Variants in VRK2 observed in about 807,000 individuals in gnomAD.
VRK2 encodes VRK serine/threonine kinase 2, also known as serine/threonine-protein kinase VRK2.
VRK2 carries 60 observed loss-of-function variants against 57.6 expected under a neutral mutation model. The ratio of observed to expected loss-of-function variants is 1.04; its 90% CI spans 0.85 to 1.29. VRK2 has a LOEUF of 1.29. VRK2 is among the 50% of genes most tolerant of loss of function. The pLI, the probability that VRK2 is intolerant of heterozygous loss-of-function variation, is 0.00. For synonymous variants in VRK2, 231 were observed against 199.2 expected (o/e 1.16, Z -1.35); for missense variants, 705 against 588.1 (o/e 1.20, Z -2.06).
At chr2:57,999,337 T>C (rs953074607) in intron 1 of VRK2, among the ~76,000 whole-genome samples, 2 of 152,194 alleles carry the variant, frequency 1.3e-5, no homozygotes, top group South Asian at 2.1e-4. Context: ...CTCTAGGCTA[T>C]AAATATAATA....
intron 1 of VRK2, among the ~76,000 whole-genome samples, chr2:57,951,333 T>C (rs1671421743): frequency 6.6e-6 from 1 of 152,180 alleles, no homozygotes; most frequent in South Asian, 2.1e-4. Context: ...CTTGAACAGA[T>C]GAAGAGTTGC....
intron 2 of VRK2, chr2:58,058,561 T>C (rs1676871318): frequency 3.3e-6 from 1 of 305,258 alleles, no homozygotes; most frequent in Non-Finnish European, 6.6e-6. Context: ...GCCATGAACA[T>C]AGAACACAGA....
At chr2:58,116,971 T>A (rs947849221) in intron 7 of VRK2, among the ~76,000 whole-genome samples, 1 of 152,188 alleles carries the variant, frequency 6.6e-6, no homozygotes, top group Non-Finnish European at 1.5e-5. Flanking sequence ...CTGGGGTTTG[T>A]CTCACAGTGG....
intron 2 of VRK2, among the ~76,000 whole-genome samples, chr2:58,064,211 G>A (rs934145568): frequency 2.6e-5 from 4 of 152,138 alleles, no homozygotes; most frequent in African/African-American, 4.8e-5. Flanking sequence ...AGCATGGTTT[G>A]AGAGGATTGT....
At chr2:57,924,114 C>T (rs1034859677) in intron 1 of VRK2, among the ~76,000 whole-genome samples, 13 of 151,928 alleles carry the variant, frequency 8.6e-5, no homozygotes, top group African/African-American at 1.7e-4. Context: ...CATGCCATTT[C>T]GGTTACTACA....
rs540409601 is a variant in VRK2 at position 58,059,778 on chromosome 2, ATAGT to A, written c.136+10814_136+10817del. On this transcript the variant is annotated intron_variant, in intron 2 of 12. Transcript: ENST00000340157. The stretch of plus-strand genomic sequence containing the variant: ...TTTGGGTGTTTATAATAGACAACAG[ATAGT>A]TATTAGCTATTACAATGCAAGATTT... Among the ~76,000 whole-genome samples, 645 of 151,914 alleles carry A rather than the reference ATAGT, an allele frequency of 4.2e-3. 5 individuals are homozygous for A. Among genetic ancestry groups the A allele is most frequent in the African/African-American group, 0.013 (541 of 41,532 alleles).
intron 1 of VRK2, among the ~76,000 whole-genome samples, chr2:58,023,007 T>C (rs1025108826): frequency 1.3e-5 from 2 of 152,224 alleles, no homozygotes; most frequent in Non-Finnish European, 2.9e-5. Flanking sequence ...ATTTTAACCA[T>C]TTCAAAAGAG....
chr2:57,997,492 T>G (rs1373863441), intron 1 of VRK2, among the ~76,000 whole-genome samples: 1 of 152,180 alleles, frequency 6.6e-6, no homozygotes, highest in East Asian at 1.9e-4. Context: ...AAGACATTTT[T>G]TAAATCATGC....
At chr2:58,055,826 A>T (rs540728740) in intron 2 of VRK2, among the ~76,000 whole-genome samples, 9 of 152,322 alleles carry the variant, frequency 5.9e-5, no homozygotes, top group Admixed American at 2.0e-4. Flanking sequence ...AAAGATTTTT[A>T]ACAAACCAAA....
intron 1 of VRK2, among the ~76,000 whole-genome samples, chr2:57,968,193 A>G (rs950355790): frequency 6.6e-6 from 1 of 152,054 alleles, no homozygotes; most frequent in African/African-American, 2.4e-5. Context: ...GAACAAACAT[A>G]AAAAAATTAC....
At chr2:58,141,126 A>G (rs1228692217) in intron 11 of VRK2, among the ~76,000 whole-genome samples, 1 of 152,048 alleles carries the variant, frequency 6.6e-6, no homozygotes, top group Non-Finnish European at 1.5e-5. Flanking sequence ...TTGTTTTAAC[A>G]GTTTTATTGA....
At chr2:58,088,308 G>A (rs778322123) in intron 5 of VRK2, 33 bp from the exon 6 acceptor site, 13 of 1,454,574 alleles carry the variant, frequency 8.9e-6, no homozygotes, top group Admixed American at 1.9e-5. Flanking sequence ...TACTTTCTCA[G>A]GATGATCTCT....
At chr2:58,099,131 G>A (rs1045041338) in intron 7 of VRK2, among the ~76,000 whole-genome samples, 1 of 151,880 alleles carries the variant, frequency 6.6e-6, no homozygotes, top group African/African-American at 2.4e-5. Context: ...GTGGTGTTTC[G>A]AGTAATGCCC....
intron 1 of VRK2, among the ~76,000 whole-genome samples, chr2:57,930,580 C>T (rs569601273): frequency 1.3e-5 from 2 of 152,220 alleles, no homozygotes; most frequent in East Asian, 1.9e-4. Context: ...TTTGTGTGGA[C>T]GTTTGATTCA....
intron 2 of VRK2, among the ~76,000 whole-genome samples, chr2:58,070,758 A>C (rs1274391071): frequency 6.6e-6 from 1 of 152,156 alleles, no homozygotes; most frequent in Non-Finnish European, 1.5e-5. Context: ...TTGTGAGTAA[A>C]GCGGATATAA....
rs909779927 is a variant in VRK2 at position 58,012,963 on chromosome 2, G to GA, written c.-438-12698dup. ...TTGAAAGCTTGACATGTCAATATCT[G>GA]AAAATTCAAAGTTTTACAAATTGTA... On this transcript the variant is annotated intron_variant, in intron 1 of 15. Coordinates refer to the VRK2 transcript ENST00000417641. Among the ~76,000 whole-genome samples, 81 of 152,220 alleles carry GA rather than the reference G, an allele frequency of 5.3e-4. 1 individual carries two copies. The highest frequency in any genetic ancestry group is 2.0e-3 in the African/African-American group (81 of 41,536).
intron 1 of VRK2, among the ~76,000 whole-genome samples, chr2:57,938,261 T>C (rs1269180083): frequency 6.6e-6 from 1 of 152,242 alleles, no homozygotes; most frequent in Admixed American, 6.5e-5. Context: ...TAATGTTCAA[T>C]AAATGTTAAT....
intron 7 of VRK2, among the ~76,000 whole-genome samples, chr2:58,117,670 T>C (rs987368800): frequency 1.3e-5 from 2 of 152,076 alleles, no homozygotes; most frequent in African/African-American, 4.8e-5. Flanking sequence ...CAAGAATTAT[T>C]TAGATCTTGT....
At chr2:58,054,859 GA>G (rs1279624259) in intron 2 of VRK2, among the ~76,000 whole-genome samples, 1 of 152,088 alleles carries the variant, frequency 6.6e-6, no homozygotes, top group Non-Finnish European at 1.5e-5. Context: ...TATTCTCCAT[GA>G]AAAAATATTT....
Sources: gnomAD v4.1 joint callset for allele counts (sites outside exome capture counted in the v4.1 genomes callset) on GRCh38, gnomAD v4.1.1 for gene constraint, MANE v1.5 for transcripts, NCBI Gene and HGNC (gene_info 2026-07-23, HGNC 2026-07-21) for gene names.